The following IMMP2L variants were observed in gnomAD, a reference collection of about 807,000 sequenced individuals.
IMMP2L encodes the protein inner mitochondrial membrane peptidase subunit 2.
A neutral mutation model predicts 19.3 loss-of-function variants in IMMP2L; 18 were observed. The observed-to-expected ratio is 0.93, with a 90% CI of 0.64 to 1.38. IMMP2L has a LOEUF of 1.38. IMMP2L is among the 40% of genes most tolerant of loss of function. IMMP2L has a pLI of 0.00. For missense variants in IMMP2L, 233 were observed against 218.2 expected (o/e 1.07, Z -0.43); for synonymous variants, 76 against 73.0 (o/e 1.04, Z -0.21).
chr7:110,667,803 C>T (rs1433979651), intron 5 of IMMP2L, among the ~76,000 whole-genome samples: 1 of 152,156 alleles, frequency 6.6e-6, no homozygotes, highest in Non-Finnish European at 1.5e-5. Context: ...TAAGGAGATA[C>T]ATTTATGGGA....
chr7:111,079,646 T>C (rs1795722918), intron 3 of IMMP2L, among the ~76,000 whole-genome samples: 1 of 152,204 alleles, frequency 6.6e-6, no homozygotes, highest in African/African-American at 2.4e-5. Flanking sequence ...AATTAGTAAA[T>C]GAGCTCCTAA....
intron 3 of IMMP2L, among the ~76,000 whole-genome samples, chr7:111,348,854 ACTT>A (rs970825315): frequency 2.0e-5 from 3 of 152,080 alleles, no homozygotes; most frequent in African/African-American, 7.2e-5. Flanking sequence ...AATGAATATG[ACTT>A]CTTCTGTCCA....
At chr7:111,221,002 C>T (rs907001948) in intron 3 of IMMP2L, among the ~76,000 whole-genome samples, 2 of 152,042 alleles carry the variant, frequency 1.3e-5, no homozygotes, top group South Asian at 4.1e-4. Flanking sequence ...CCATTTTAAA[C>T]GCTAATCTCT....
At chr7:111,539,252 AAGAAAGAAAGAAAGAAAG>A (rs1429123460) in intron 1 of IMMP2L, among the ~76,000 whole-genome samples, 10 of 147,140 alleles carry the variant, frequency 6.8e-5, no homozygotes, top group African/African-American at 1.8e-4. Context: ...GAAAGAAAGA[AAGAAAGAAAGAAAGAAAG>A]AGAACATACG....
intron 4 of IMMP2L, among the ~76,000 whole-genome samples, chr7:110,905,949 ATCTTTCTG>A (rs1397549143): frequency 6.6e-6 from 1 of 152,176 alleles, no homozygotes; most frequent in Non-Finnish European, 1.5e-5. Context: ...GTTCTGAAAA[ATCTTTCTG>A]TCATACACCA....
intron 2 of IMMP2L, among the ~76,000 whole-genome samples, chr7:111,517,882 T>C (rs1846004983): frequency 6.6e-6 from 1 of 152,116 alleles, no homozygotes; most frequent in South Asian, 2.1e-4. Context: ...GAATAATCAT[T>C]AACCAACAAT....
intron 5 of IMMP2L, among the ~76,000 whole-genome samples, chr7:110,817,062 T>A (rs934072310): frequency 2.6e-5 from 4 of 152,078 alleles, no homozygotes; most frequent in Non-Finnish European, 4.4e-5. Context: ...TTCCTAGCCT[T>A]GATGGTCTTT....
chr7:110,988,964 C>T (rs931034127), intron 3 of IMMP2L, among the ~76,000 whole-genome samples: 12 of 151,980 alleles, frequency 7.9e-5, no homozygotes, highest in Non-Finnish European at 1.3e-4. Context: ...TTGCCAGGTG[C>T]GGTGGCTCAT....
At chr7:110,711,975 G>A (rs190244464) in intron 5 of IMMP2L, among the ~76,000 whole-genome samples, 371 of 33,158 alleles carry the variant, frequency 0.011, 122 homozygotes, top group African/African-American at 0.028. Flanking sequence ...GTAGCTCAGA[G>A]TATTTTGATC....
At chr7:111,274,449 G>A (rs1584397300) in intron 3 of IMMP2L, among the ~76,000 whole-genome samples, 1 of 152,208 alleles carries the variant, frequency 6.6e-6, no homozygotes, top group East Asian at 1.9e-4. Flanking sequence ...ATACAGAAGA[G>A]CCTCAATTTT....
intron 3 of IMMP2L, among the ~76,000 whole-genome samples, chr7:111,384,279 G>A (rs904549389): frequency 1.3e-5 from 2 of 150,334 alleles, no homozygotes; most frequent in African/African-American, 2.5e-5. Context: ...AGAGGAGAAA[G>A]GAGAAAGGAG....
At position 111,560,709 on chromosome 7, in the gene IMMP2L, A is replaced by G. The variant is rs145900536; in HGVS notation, c.-3+1142T>C. On this transcript the variant is annotated intron_variant, in intron 1 of 5. Coordinates refer to ENST00000405709, the MANE Select transcript of IMMP2L (RefSeq NM_032549.4). The stretch of plus-strand genomic sequence containing the variant: ...GCCTACCCCAAAACAGCCATCTCCA[A>G]TACAATCTCATCATTCTCACCATCC... 5.6e-4 allele frequency among the ~76,000 whole-genome samples: 85 copies of G among 152,338 alleles called. 2 individuals carry two copies. The highest frequency in any genetic ancestry group is 1.9e-3 in the African/African-American group (79 of 41,592).
intron 5 of IMMP2L, among the ~76,000 whole-genome samples, chr7:110,721,884 GAAGA>G (rs955459043): frequency 6.6e-5 from 10 of 151,886 alleles, no homozygotes; most frequent in East Asian, 5.8e-4. Flanking sequence ...ACAAGAGAGA[GAAGA>G]AAGAGAGAGA....
intron 3 of IMMP2L, among the ~76,000 whole-genome samples, chr7:110,969,809 G>T (rs879852061): frequency 7.2e-5 from 11 of 152,074 alleles, no homozygotes; most frequent in Non-Finnish European, 1.3e-4. Flanking sequence ...AGGCTACTAA[G>T]CAGAAATAGA....
chr7:111,357,651 G>T (rs1828849953), intron 3 of IMMP2L, among the ~76,000 whole-genome samples: 1 of 151,998 alleles, frequency 6.6e-6, no homozygotes, highest in South Asian at 2.1e-4. Flanking sequence ...ATGAGCTCTA[G>T]TTATTATGTC....
intron 3 of IMMP2L, among the ~76,000 whole-genome samples, chr7:111,233,472 T>C (rs922457122): frequency 6.6e-6 from 1 of 152,104 alleles, no homozygotes; most frequent in African/African-American, 2.4e-5. Context: ...ACTGACTATA[T>C]AATAATTTCA....
At chr7:110,730,220 G>A (rs913774240) in intron 5 of IMMP2L, among the ~76,000 whole-genome samples, 3 of 152,094 alleles carry the variant, frequency 2.0e-5, no homozygotes, top group African/African-American at 7.2e-5. Flanking sequence ...CAGTGGACTG[G>A]GAGAAGAAGA....
chr7:110,844,758 A>G (rs563311157), intron 5 of IMMP2L, among the ~76,000 whole-genome samples: 1 of 152,056 alleles, frequency 6.6e-6, no homozygotes. Context: ...GACAGCATGG[A>G]AATGGCAAGG....
intron 5 of IMMP2L, among the ~76,000 whole-genome samples, chr7:110,819,612 A>G (rs901447374): frequency 6.6e-6 from 1 of 152,030 alleles, no homozygotes; most frequent in African/African-American, 2.4e-5. Flanking sequence ...TTAGGTACTC[A>G]CTATGAATTT....
Sources: gnomAD v4.1 joint callset for allele counts (sites outside exome capture counted in the v4.1 genomes callset) on GRCh38, gnomAD v4.1.1 for gene constraint, MANE v1.5 for transcripts, NCBI Gene and HGNC (gene_info 2026-07-23, HGNC 2026-07-21) for gene names.